Variants in RNLS observed in about 807,000 individuals in gnomAD.
The protein encoded by RNLS is renalase, FAD dependent amine oxidase, also known as renalase.
RNLS carries 39 observed loss-of-function variants against 39.8 expected under a neutral mutation model. The observed-to-expected ratio is 0.98, with a 90% CI of 0.76 to 1.28. The LOEUF (loss-of-function observed/expected upper bound fraction) is 1.28. RNLS is among the 50% of genes most tolerant of loss of function. The pLI is 0.00. For synonymous variants in RNLS, 147 were observed against 150.7 expected (o/e 0.98, Z 0.18); for missense variants, 410 against 413.3 (o/e 0.99, Z 0.07).
intron 4 of RNLS, among the ~76,000 whole-genome samples, chr10:88,558,120 C>T (rs1373562727): frequency 2.0e-5 from 3 of 152,088 alleles, no homozygotes; most frequent in Non-Finnish European, 4.4e-5. Context: ...AAAATATTTA[C>T]ATCATGATGC....
At position 88,400,427 on chromosome 10, in the gene RNLS, C is replaced by T. The variant is rs549408203; in HGVS notation, c.527-37702G>A. Among the ~76,000 whole-genome samples, 19 of 152,070 alleles carry T rather than the reference C, an allele frequency of 1.2e-4. No individual in the cohort carries two copies. The South Asian group carries it at 1.7e-3, about 13-fold the overall frequency. Reference sequence around the variant, plus strand: ...CATCCATGCCCTTGTATATACTGTTCACTCCACTGAATATACTCTTTCCTC... The same window carrying T: ...CATCCATGCCCTTGTATATACTGTTTACTCCACTGAATATACTCTTTCCTC... On this transcript the variant is annotated intron_variant, in intron 4 of 6. Transcript: ENST00000331772.
intron 4 of RNLS, among the ~76,000 whole-genome samples, chr10:88,444,773 A>G (rs1841942179): frequency 6.6e-6 from 1 of 152,232 alleles, no homozygotes; most frequent in Non-Finnish European, 1.5e-5. Context: ...TTTAGAGAAA[A>G]AAGAGTAAAT....
chr10:88,380,776 T>A (rs1188524522), intron 4 of RNLS, among the ~76,000 whole-genome samples: 1 of 152,204 alleles, frequency 6.6e-6, no homozygotes, highest in Non-Finnish European at 1.5e-5. Flanking sequence ...CTTTTCTTAT[T>A]CATCATAAGA....
At chr10:88,281,278 C>A (rs1030841517), downstream of RNLS, among the ~76,000 whole-genome samples, 2 of 152,084 alleles carry the variant, frequency 1.3e-5, no homozygotes, top group Admixed American at 6.6e-5. Flanking sequence ...GCCAGGTCAA[C>A]CCAGGTATGG....
chr10:88,509,291 GA>G (rs1404468738), intron 4 of RNLS, among the ~76,000 whole-genome samples: 2 of 152,114 alleles, frequency 1.3e-5, no homozygotes, highest in Admixed American at 1.3e-4. Context: ...ATGAGGGACA[GA>G]ATTGCACTTG....
chr10:88,511,732 C>A (rs148379464), intron 4 of RNLS, among the ~76,000 whole-genome samples: 2 of 147,626 alleles, frequency 1.4e-5, no homozygotes. Flanking sequence ...CAGGAGTGAT[C>A]GTGATCTACA....
At chr10:88,442,305 A>T (rs1841759216) in intron 4 of RNLS, among the ~76,000 whole-genome samples, 1 of 152,196 alleles carries the variant, frequency 6.6e-6, no homozygotes, top group Non-Finnish European at 1.5e-5. Context: ...AACTTCATTC[A>T]CTTAGAAAGG....
chr10:88,412,453 TGG>T (rs746291334), intron 4 of RNLS, among the ~76,000 whole-genome samples: 4 of 152,096 alleles, frequency 2.6e-5, no homozygotes, highest in Non-Finnish European at 5.9e-5. Context: ...AATATCTCTG[TGG>T]TTCCAAACTC....
chr10:88,273,959 G>T (rs536604355), exon 7 of RNLS: 1 of 152,168 alleles, frequency 6.6e-6, no homozygotes, highest in Admixed American at 6.5e-5. Flanking sequence ...ACATACATAT[G>T]TACACATTTT....
chr10:88,309,538 T>G, intron 6 of RNLS: 1 of 1,062,372 alleles, frequency 9.4e-7, no homozygotes, highest in Non-Finnish European at 1.3e-6. Context: ...TTACTCCTTT[T>G]AACTCCTAGC....
intron 4 of RNLS, among the ~76,000 whole-genome samples, chr10:88,442,680 C>T (rs1225237905): frequency 6.6e-6 from 1 of 152,090 alleles, no homozygotes; most frequent in Non-Finnish European, 1.5e-5. Context: ...TTCTTACTTG[C>T]CCCTGAGGAT....
intron 4 of RNLS, among the ~76,000 whole-genome samples, chr10:88,411,859 T>A (rs1363472354): frequency 6.6e-6 from 1 of 152,054 alleles, no homozygotes; most frequent in Non-Finnish European, 1.5e-5. Flanking sequence ...AAAAGAGTGT[T>A]CCAAGTAGAA....
chr10:88,540,801 C>T (rs1847995035), intron 4 of RNLS, among the ~76,000 whole-genome samples: 1 of 151,896 alleles, frequency 6.6e-6, no homozygotes, highest in African/African-American at 2.4e-5. Flanking sequence ...ACAGGCATGC[C>T]ACATATAGTA....
the RNLS span, among the ~76,000 whole-genome samples, chr10:88,193,044 C>G: frequency 6.6e-6 from 1 of 152,152 alleles, no homozygotes; most frequent in Non-Finnish European, 1.5e-5. Flanking sequence ...GAGAGGTGAT[C>G]TTTGTGCTCC....
chr10:88,567,703 TCA>T (rs747128322), intron 4 of RNLS, among the ~76,000 whole-genome samples: 10 of 152,176 alleles, frequency 6.6e-5, no homozygotes, highest in Non-Finnish European at 1.2e-4. Flanking sequence ...TATATTATTA[TCA>T]CACACTGTAC....
chr10:88,400,225 C>T (rs1417100568), intron 4 of RNLS, among the ~76,000 whole-genome samples: 1 of 151,858 alleles, frequency 6.6e-6, no homozygotes, highest in Non-Finnish European at 1.5e-5. Context: ...TTGAGTGGCC[C>T]ATTATTAACC....
chr10:88,539,351 A>G (rs1217040866), intron 4 of RNLS, among the ~76,000 whole-genome samples: 2 of 152,190 alleles, frequency 1.3e-5, no homozygotes, highest in Non-Finnish European at 2.9e-5. Flanking sequence ...AACTAGATCA[A>G]TTAAGATGAC....
chr10:88,252,988 C>G, the RNLS span, among the ~76,000 whole-genome samples: 1 of 152,188 alleles, frequency 6.6e-6, no homozygotes, highest in Non-Finnish European at 1.5e-5. Flanking sequence ...GGCTCTGACA[C>G]CAGAACTCAG....
chr10:88,484,654 T>C (rs1435377773), intron 4 of RNLS, among the ~76,000 whole-genome samples: 1 of 151,964 alleles, frequency 6.6e-6, no homozygotes, highest in African/African-American at 2.4e-5. Flanking sequence ...ACAAAGTGCC[T>C]GGATAATATA....
Sources: allele counts gnomAD v4.1 joint callset (sites outside exome capture counted in the v4.1 genomes callset), GRCh38; gene constraint gnomAD v4.1.1; transcripts MANE v1.5; gene names NCBI Gene and HGNC (gene_info 2026-07-23, HGNC 2026-07-21).